APP: variants seen among roughly 807,000 people sequenced by gnomAD.
APP encodes amyloid beta precursor protein.
A neutral mutation model predicts 101.4 loss-of-function variants in APP; 31 were observed. That is an observed-to-expected ratio of 0.31 (90% CI 0.23 to 0.41). APP has a LOEUF of 0.41. Ranked by LOEUF, APP falls within the 10% of genes least tolerant of loss-of-function variation. The pLI is 1.00. For missense variants in APP, 839 were observed against 1,003.7 expected (o/e 0.84, Z 2.22); for synonymous variants, 366 against 364.4 (o/e 1.00, Z -0.05).
chr21:26,136,173 G>A (rs201782528), intron 1 of APP, among the ~76,000 whole-genome samples: 13 of 50,636 alleles, frequency 2.6e-4, no homozygotes, highest in Non-Finnish European at 4.2e-4. Context: ...AGAAAGAAAA[G>A]AAAGAAAGAA....
intron 15 of APP, chr21:25,897,978 A>C: frequency 2.5e-6 from 1 of 405,030 alleles, no homozygotes; most frequent in Non-Finnish European, 4.5e-6. Context: ...AGAGGTTGGC[A>C]AGGATTTGTT....
At chr21:26,048,725 A>C (rs2045715005) in intron 5 of APP, among the ~76,000 whole-genome samples, 1 of 152,216 alleles carries the variant, frequency 6.6e-6, no homozygotes, top group African/African-American at 2.4e-5. Flanking sequence ...AGAAAAAGGT[A>C]AAGCAAGGGT....
At chr21:25,918,672 C>T (rs966747601) in intron 13 of APP, among the ~76,000 whole-genome samples, 53 of 151,832 alleles carry the variant, frequency 3.5e-4, no homozygotes, top group African/African-American at 1.3e-3. Flanking sequence ...GCTTTTCAGA[C>T]CGGCTTAAGA....
intron 13 of APP, chr21:25,934,155 T>C (rs1035741226): frequency 1.3e-5 from 2 of 152,056 alleles, no homozygotes; most frequent in Non-Finnish European, 2.9e-5. Context: ...CAAAGGAATA[T>C]CAAGGGCTGG....
At chr21:26,082,843 A>G (rs2061624220) in intron 3 of APP, among the ~76,000 whole-genome samples, 1 of 149,706 alleles carries the variant, frequency 6.7e-6, no homozygotes, top group Non-Finnish European at 1.5e-5. Flanking sequence ...AATAAAACGT[A>G]CACAATGAAT....
intron 6 of APP, among the ~76,000 whole-genome samples, chr21:26,003,367 A>G (rs902697091): frequency 6.6e-6 from 1 of 152,056 alleles, no homozygotes; most frequent in Non-Finnish European, 1.5e-5. Context: ...CTATTCGGGG[A>G]GTGTTGGTTG....
At chr21:25,914,505 G>C (rs2039242122) in intron 13 of APP, among the ~76,000 whole-genome samples, 1 of 150,248 alleles carries the variant, frequency 6.7e-6, no homozygotes, top group South Asian at 2.1e-4. Context: ...TCTGCCATGT[G>C]AGAACAGTTT....
intron 1 of APP, among the ~76,000 whole-genome samples, chr21:26,162,519 C>G (rs2063513118): frequency 6.6e-6 from 1 of 152,006 alleles, no homozygotes. Context: ...CAAGGAAAAA[C>G]TAAACAAATG....
chr21:26,019,401 C>T lies in APP; in HGVS notation c.865+2439G>A, dbSNP rs553744059. Among the ~76,000 whole-genome samples, 10 of 152,292 alleles carry T rather than the reference C, an allele frequency of 6.6e-5. No individual in the cohort carries two copies. In the South Asian group the frequency reaches 8.3e-4, roughly 13 times the overall value. On this transcript the variant is annotated intron_variant, in intron 6 of 17. Transcript: ENST00000346798. The stretch of plus-strand genomic sequence containing the variant: ...CACTGGTAGACACACCACCCACCCA[C>T]ACTTTTGGCTCTAGTTCAAATGTCA...
intron 1 of APP, among the ~76,000 whole-genome samples, chr21:26,161,815 T>C (rs2063496065): frequency 6.6e-6 from 1 of 152,182 alleles, no homozygotes; most frequent in Non-Finnish European, 1.5e-5. Flanking sequence ...CATATCACTT[T>C]TCATATGATG....
chr21:26,035,443 C>G (rs1451259850), intron 5 of APP, among the ~76,000 whole-genome samples: 1 of 151,954 alleles, frequency 6.6e-6, no homozygotes, highest in Admixed American at 6.6e-5. Flanking sequence ...GAAAGAGAGG[C>G]ATGGGGTGAT....
intron 17 of APP, among the ~76,000 whole-genome samples, chr21:25,889,733 C>G (rs1234592718): frequency 6.6e-6 from 1 of 151,988 alleles, no homozygotes; most frequent in Non-Finnish European, 1.5e-5. Context: ...CCCAGTTACT[C>G]AGGAGGCTGA....
intron 17 of APP, among the ~76,000 whole-genome samples, chr21:25,890,938 C>T (rs753218902): frequency 5.6e-4 from 85 of 152,182 alleles, no homozygotes; most frequent in Non-Finnish European, 1.1e-3. Context: ...TTTTCAGTTT[C>T]CCTGTGCATA....
At chr21:26,105,464 T>C (rs988619274) in intron 2 of APP, among the ~76,000 whole-genome samples, 3 of 152,152 alleles carry the variant, frequency 2.0e-5, no homozygotes, top group African/African-American at 7.2e-5. Flanking sequence ...AGAGTATTCT[T>C]TTCCTTGCCG....
At chr21:25,931,757 G>A (rs987377753) in intron 13 of APP, among the ~76,000 whole-genome samples, 3 of 152,148 alleles carry the variant, frequency 2.0e-5, no homozygotes, top group Non-Finnish European at 2.9e-5. Flanking sequence ...TTTAATCTAC[G>A]AAAAGAGAAA....
intron 1 of APP, among the ~76,000 whole-genome samples, chr21:26,131,733 C>T (rs1046407793): frequency 6.6e-5 from 10 of 152,202 alleles, no homozygotes; most frequent in African/African-American, 2.4e-4. Context: ...ACCAACTGTT[C>T]TCATCAGTGA....
At chr21:26,108,836 A>C (rs1277056342) in intron 2 of APP, among the ~76,000 whole-genome samples, 2 of 152,132 alleles carry the variant, frequency 1.3e-5, no homozygotes, top group Non-Finnish European at 2.9e-5. Flanking sequence ...GTGAGCTGAG[A>C]TTGTGCCACT....
At chr21:26,103,126 T>A (rs981463716) in intron 2 of APP, among the ~76,000 whole-genome samples, 1 of 152,326 alleles carries the variant, frequency 6.6e-6, no homozygotes, top group East Asian at 1.9e-4. Context: ...GGATTTTGCA[T>A]GCTTAATGTG....
intron 3 of APP, among the ~76,000 whole-genome samples, chr21:26,058,113 G>A (rs2046115207): frequency 2.0e-5 from 3 of 152,158 alleles, no homozygotes. Context: ...CTATCTTTCT[G>A]TACTGCCATC....
Sources: allele counts gnomAD v4.1 joint callset (sites outside exome capture counted in the v4.1 genomes callset), GRCh38; gene constraint gnomAD v4.1.1; transcripts MANE v1.5; gene names NCBI Gene and HGNC (gene_info 2026-07-23, HGNC 2026-07-21).